Variants in KRT77 observed in about 807,000 individuals in gnomAD.
KRT77 encodes the protein keratin, type II cytoskeletal 1b.
In KRT77, 44 loss-of-function variants were observed where a neutral mutation model predicts 51.5. The ratio of observed to expected loss-of-function variants is 0.85; its 90% confidence interval spans 0.67 to 1.10. The LOEUF is 1.10. KRT77 is among the 50% of genes least tolerant of loss of function. The pLI, the probability that KRT77 is intolerant of heterozygous loss-of-function variation, is 0.00. For synonymous variants in KRT77, 293 were observed against 302.0 expected (o/e 0.97, Z 0.31); for missense variants, 763 against 743.9 (o/e 1.03, Z -0.30).
chr12:52,699,239 G>T (rs1941848687), intron 1 of KRT77, among the ~76,000 whole-genome samples: 1 of 152,152 alleles, frequency 6.6e-6, no homozygotes, highest in Admixed American at 6.5e-5. Context: ...GCACTCAGTG[G>T]CAGTGGCATT....
rs769622593 is a variant in KRT77, at chr12:52,690,576, G to C, written c.*589C>G. The C allele has an allele frequency of 6.3e-6, 1 of 157,984 alleles. No individual in the cohort carries two copies. Among genetic ancestry groups the C allele is most frequent in the East Asian group, 1.9e-4 (1 of 5,222 alleles). 9.8% of individuals were successfully genotyped at this position (157,984 alleles called of 1,614,324 possible). On this transcript the variant is annotated 3_prime_UTR_variant, in exon 9 of 9. Coordinates refer to ENST00000341809, the MANE Select transcript of KRT77 (RefSeq NM_175078.3). Reference sequence around the variant, plus strand: ...GTGGTCCCCAGCAGGGCAGGGGGGCGTGGATTCTTGTTCACAGAGCAGCCC... The same window carrying C: ...GTGGTCCCCAGCAGGGCAGGGGGGCCTGGATTCTTGTTCACAGAGCAGCCC...
chr12:52,698,979 C>T (rs925296184), intron 1 of KRT77, among the ~76,000 whole-genome samples: 104 of 152,218 alleles, frequency 6.8e-4, no homozygotes, highest in Admixed American at 6.8e-3. Flanking sequence ...CTTGAGACTC[C>T]GCCCCTCTGA....
At chr12:52,701,823 C>T (rs1166652564) in intron 1 of KRT77, among the ~76,000 whole-genome samples, 1 of 152,168 alleles carries the variant, frequency 6.6e-6, no homozygotes, top group African/African-American at 2.4e-5. Context: ...CAGACAGAAC[C>T]CTACATTGCA....
Position 52,690,853 on chromosome 12 carries a change from A to C in KRT77, c.*312T>G. 2 of 488,800 alleles carry C rather than the reference A, an allele frequency of 4.1e-6. No individual in the cohort carries two copies. Among genetic ancestry groups the C allele is most frequent in the East Asian group, 4.0e-5 (1 of 25,142 alleles). The allele number at this position is 488,800 out of a possible 1,614,324, so 30.3% of individuals were successfully genotyped here. A position where few individuals can be genotyped will look rare whatever the true frequency, so the allele number is the denominator to read the frequency against. ...CACGCAGCCTCTGCCTCTAACTGGAATGTTTGTGCTCACCCTGGGCTACCG... is the reference window on the plus strand; with the variant it reads ...CACGCAGCCTCTGCCTCTAACTGGACTGTTTGTGCTCACCCTGGGCTACCG... On this transcript the variant is annotated 3_prime_UTR_variant, in exon 9 of 9. Coordinates refer to ENST00000341809, the MANE Select transcript of KRT77 (RefSeq NM_175078.3).
rs573621192 is a variant in KRT77 at position 52,701,393 on chromosome 12, G to A, written c.543+1499C>T. ...TCAGCACTCTCACCCTCCTCCGCCCGCTCACACACTGTCCCATCCCCAGCA... is the reference window on the plus strand; with the variant it reads ...TCAGCACTCTCACCCTCCTCCGCCCACTCACACACTGTCCCATCCCCAGCA... On this transcript the variant is annotated intron_variant, in intron 1 of 8. Transcript: ENST00000341809. Among the ~76,000 whole-genome samples the A allele has an allele frequency of 5.9e-5, 9 of 152,266 alleles. No individual in the cohort carries two copies. The South Asian group carries it at 8.3e-4, about 14-fold the overall frequency.
In KRT77 at chr12:52,703,117, G is replaced by C; in HGVS notation, c.318C>G (p.Gly106=). The change falls in exon 1 of 9, where the codon GGC becomes GGG. Residue 106 remains glycine, a synonymous_variant. Coordinates refer to ENST00000341809, the MANE Select transcript of KRT77 (RefSeq NM_175078.3). ...GFGVGSTGAG[G]FGGGGFGGAG... is the part of the protein sequence containing the mutation. ...CACCCCCAAAACCACCTCCTCCAAA[G>C]CCACCAGCCCCGGTGCTGCCAACCC... is the stretch of plus-strand genomic sequence containing the variant. The C allele has an allele frequency of 6.2e-7, 1 of 1,611,558 alleles. No homozygotes were observed. Among genetic ancestry groups the C allele is most frequent in the Non-Finnish European group, 8.5e-7 (1 of 1,178,706 alleles).
chr12:52,699,055 CA>C (rs769539526), intron 1 of KRT77, among the ~76,000 whole-genome samples: 6 of 152,186 alleles, frequency 3.9e-5, no homozygotes, highest in Non-Finnish European at 5.9e-5. Flanking sequence ...GCAGACAACA[CA>C]ACCTCCCATG....
At position 52,695,456 on chromosome 12, in the gene KRT77, T is replaced by C. The variant is rs79267687; in HGVS notation, c.915+316A>G. 2.7e-3 allele frequency: 667 copies of C among 245,582 alleles called. 3 individuals carry two copies. The highest frequency in any genetic ancestry group is 0.013 in the African/African-American group (615 of 45,914). The allele number at this position is 245,582 out of a possible 1,614,324, so 15.2% of individuals were successfully genotyped here. On this transcript the variant is annotated intron_variant, in intron 4 of 8. Transcript: ENST00000341809. Reference sequence around the variant, plus strand: ...AGCTCCATCAACTCCCCAGAATTAATGAAGATTTCTGGTTGGTTTTGCCCC... The same window carrying C: ...AGCTCCATCAACTCCCCAGAATTAACGAAGATTTCTGGTTGGTTTTGCCCC...
rs939608 is a variant in KRT77 at position 52,692,042 on chromosome 12, A to T, written c.1428-70T>A. ...GGAGAGAAGGCTGTGGCCCACAGAC[A>T]TCTGGATCAGAGGTGTCCCCAAGCC... On this transcript the variant is annotated intron_variant, in intron 7 of 8. Transcript: ENST00000341809. 4.4e-3 allele frequency: 6,717 copies of T among 1,525,416 alleles called. 239 individuals are homozygous for T. In the African/African-American group the frequency reaches 0.078, roughly 18 times the overall value. The allele number at this position is 1,525,416 out of a possible 1,614,324, so 94.5% of individuals were successfully genotyped here.
At chr12:52,692,324 A>G in intron 7 of KRT77, 97 bp downstream of exon 7, 1 of 1,391,662 alleles carries the variant, frequency 7.2e-7, no homozygotes, top group Admixed American at 2.0e-5. Context: ...CAATCTTCCC[A>G]AAAAGGTGGG....
chr12:52,703,411 C>T lies in KRT77; in HGVS notation c.24G>A (p.Gln8=), dbSNP rs1941916664. MSHQFSS[Q]SAFSSMSRRV... ...GCCTGCTCATTGAACTAAACGCGGA[C>T]TGAGAACTAAATTGGTGGCTCATGT... The change falls in exon 1 of 9, where the codon CAG becomes CAA. Residue 8 remains glutamine (Q), a synonymous_variant. Coordinates refer to ENST00000341809, the MANE Select transcript of KRT77 (RefSeq NM_175078.3). The T allele has an allele frequency of 2.5e-6, 4 of 1,594,888 alleles. No homozygotes were observed. The highest frequency in any genetic ancestry group is 3.4e-5 in the Admixed American group (2 of 58,336).
Position 52,703,181 on chromosome 12 carries a change from C to T in KRT77, c.254G>A (p.Gly85Asp), listed in dbSNP as rs1167711151. Residue 85 changes from glycine to aspartate, a missense_variant, in exon 1 of 9, where the codon GGT (glycine) becomes GAT (aspartate). Physicochemically the swap from Gly to Asp is moderately conservative, Grantham distance 94. Transcript: ENST00000341809. ...CCCTCCAAATCCCCCTACTCCCCCACCCTGGCAGAAACCACTGGTGCTCCT... is the reference window on the plus strand; with the variant it reads ...CCCTCCAAATCCCCCTACTCCCCCATCCTGGCAGAAACCACTGGTGCTCCT... ...MGRSTSGFCQ[G>D]GGVGGFGGGR... The T allele has an allele frequency of 1.2e-6, 2 of 1,612,436 alleles. No homozygotes were observed. Among genetic ancestry groups the T allele is most frequent in the South Asian group, 1.1e-5 (1 of 90,798 alleles).
chr12:52,694,823 C>T, intron 4 of KRT77, 33 bp from the exon 5 acceptor site: 1 of 1,559,762 alleles, frequency 6.4e-7, no homozygotes, highest in Non-Finnish European at 8.7e-7. Flanking sequence ...TGACTCCTTC[C>T]ATTCTCCTCT....
At chr12:52,694,814 G>T in intron 4 of KRT77, 24 bp from the exon 5 acceptor site, 1 of 1,578,916 alleles carries the variant, frequency 6.3e-7, no homozygotes, top group South Asian at 1.2e-5. Flanking sequence ...CGCACAGGCT[G>T]ACTCCTTCCA....
rs773799791 is a variant in KRT77 at position 52,691,415 on chromosome 12, A to G, written c.1487T>C (p.Val496Ala). 1.3e-5 allele frequency: 20 copies of G among 1,596,492 alleles called. No individual in the cohort carries two copies. The highest frequency in any genetic ancestry group is 1.7e-5 in the Non-Finnish European group (20 of 1,175,702). Reference protein sequence around the residue: ...SISVQNSQVSVNGGAGGGGSY... With the variant: ...SISVQNSQVSANGGAGGGGSY... ...GCCGCCGCCTCCCGCGCCGCCGTTG[A>G]CGCTCACCTGGCTGTTCTGCACGGC... The change falls in exon 9 of 9, where the codon GTC (valine) becomes GCC (alanine). Residue 496 changes from valine to alanine, a missense_variant. By Grantham distance (64) the Val-to-Ala change is moderately conservative. Transcript: ENST00000341809.
chr12:52,699,634 C>T (rs1380449355), intron 1 of KRT77, among the ~76,000 whole-genome samples: 1 of 152,244 alleles, frequency 6.6e-6, no homozygotes, highest in Non-Finnish European at 1.5e-5. Context: ...AGGGACCTCC[C>T]AGTGCCCTCA....
rs1941907400 is a variant in KRT77, at chr12:52,703,030, G to GC, written c.404dup (p.Ile136HisfsTer7). Reference sequence around the variant, plus strand: ...TCTGGTTAATGGTCACCTCTTGGATGCCCCCAGGAGGACAATAAGGACCAA... The same window carrying GC: ...TCTGGTTAATGGTCACCTCTTGGATGCCCCCCAGGAGGACAATAAGGACCAA... On this transcript the variant is annotated frameshift_variant, in exon 1 of 9. Transcript: ENST00000341809. LOFTEE classifies it high-confidence loss of function. 6.2e-7 allele frequency: 1 copy of GC among 1,613,848 alleles called. No homozygotes were observed.
At position 52,691,219 on chromosome 12, in the gene KRT77, G is replaced by C. The variant is rs1565651325; in HGVS notation, c.1683C>G (p.Arg561=). The change falls in exon 9 of 9, where the codon CGC becomes CGG. Residue 561 remains arginine, a synonymous_variant. Coordinates refer to ENST00000341809, the MANE Select transcript of KRT77 (RefSeq NM_175078.3). ...GSGRSGRGSS[R]VQIIQTSTNT... ...TGGTGGAGGTCTGGATGATCTGCACGCGCGAGGATCCGCGGCCGCTTCTGC... is the reference window on the plus strand; with the variant it reads ...TGGTGGAGGTCTGGATGATCTGCACCCGCGAGGATCCGCGGCCGCTTCTGC... 6.2e-7 allele frequency: 1 copy of C among 1,613,944 alleles called. No homozygotes were observed.
intron 1 of KRT77, among the ~76,000 whole-genome samples, chr12:52,702,378 T>C (rs550510635): frequency 6.6e-6 from 1 of 152,054 alleles, no homozygotes; most frequent in East Asian, 1.9e-4. Context: ...AATGGATTGA[T>C]GGATGAGTGA....
Sources: allele counts gnomAD v4.1 joint callset (sites outside exome capture counted in the v4.1 genomes callset), GRCh38; gene constraint gnomAD v4.1.1; transcripts MANE v1.5; gene names NCBI Gene and HGNC (gene_info 2026-07-23, HGNC 2026-07-21).